AKR1D1: variants seen among roughly 807,000 people sequenced by gnomAD.
The protein encoded by AKR1D1 is aldo-keto reductase family 1 member D1.
Under a neutral mutation model 42.6 loss-of-function variants are expected in AKR1D1, and 32 were observed. That is an observed-to-expected ratio of 0.75 (90% CI 0.57 to 1.01). The LOEUF (loss-of-function observed/expected upper bound fraction) is 1.01. Ranked by LOEUF, AKR1D1 falls within the 50% of genes least tolerant of loss-of-function variation. The pLI is 0.00. For synonymous variants in AKR1D1, 123 were observed against 135.5 expected, an observed-to-expected ratio of 0.91 and a Z score of 0.64; for missense variants, 364 against 402.2, an observed-to-expected ratio of 0.91 and a Z score of 0.81.
chr7:138,116,757 T>C lies in AKR1D1; in HGVS notation c.*95T>C. ...GATGTGAAAATGAAGAGAGAGGGTT[T>C]TACCATCCTGAGAAGAAATAATGAT... On this transcript the variant is annotated 3_prime_UTR_variant, in exon 9 of 9. Transcript: ENST00000242375. 2.6e-6 allele frequency: 3 copies of C among 1,144,664 alleles called. No individual in the cohort carries two copies. Among genetic ancestry groups the C allele is most frequent in the Middle Eastern group, 1.9e-4 (1 of 5,164 alleles). The allele number at this position is 1,144,664 out of a possible 1,614,324, so 70.9% of individuals were successfully genotyped here. A position where few individuals can be genotyped will look rare whatever the true frequency, so the allele number is the denominator to read the frequency against.
At chr7:138,078,031 G>C (rs1391017848) in intron 1 of AKR1D1, among the ~76,000 whole-genome samples, 1 of 152,078 alleles carries the variant, frequency 6.6e-6, no homozygotes, top group Non-Finnish European at 1.5e-5. Context: ...ATGCAATCTT[G>C]GCTCACTGCA....
chr7:138,083,189 C>T (rs1013675214), intron 1 of AKR1D1, among the ~76,000 whole-genome samples: 3 of 152,198 alleles, frequency 2.0e-5, no homozygotes, highest in Admixed American at 6.5e-5. Context: ...AATTTCTCTA[C>T]ATCCTCACCA....
At chr7:138,105,184 G>A (rs369003029) in intron 4 of AKR1D1, 123 bp from the exon 5 acceptor site, 26 of 1,374,218 alleles carry the variant, frequency 1.9e-5, no homozygotes, top group Non-Finnish European at 2.4e-5. Flanking sequence ...ACTTTTTTTC[G>A]CAAGATGCTT....
chr7:138,114,406 C>A (rs371274264), intron 8 of AKR1D1, among the ~76,000 whole-genome samples: 2 of 152,084 alleles, frequency 1.3e-5, no homozygotes, highest in Non-Finnish European at 2.9e-5. Flanking sequence ...TGGTGGCTCA[C>A]GCCAATACTT....
chr7:138,109,842 AGG>A (rs955540021), intron 7 of AKR1D1, among the ~76,000 whole-genome samples: 6 of 152,186 alleles, frequency 3.9e-5, no homozygotes, highest in African/African-American at 1.4e-4. Context: ...CAAAAATTAT[AGG>A]AGTGTTACAA....
chr7:138,113,059 G>C (rs1448533533), intron 7 of AKR1D1, among the ~76,000 whole-genome samples: 2 of 152,196 alleles, frequency 1.3e-5, no homozygotes, highest in African/African-American at 4.8e-5. Context: ...GCTCATGCCT[G>C]TAATTGCAGC....
Position 138,107,521 on chromosome 7 carries a change from C to T in AKR1D1, c.796C>T (p.Arg266Ter), listed in dbSNP as rs770247815. Reference sequence around the variant, plus strand: ...AATTGTTTTGCGTTTCAACATCCAGCGAGGGGTGGTTGTCATTCCTAAAAG... The same window carrying T: ...AATTGTTTTGCGTTTCAACATCCAGTGAGGGGTGGTTGTCATTCCTAAAAG... ...AQIVLRFNIQ[R>*]GVVVIPKSFN... is the part of the protein sequence containing the mutation. Residue 266 changes from arginine to a stop codon, truncating the protein, a stop_gained, in exon 7 of 9, where the codon CGA becomes TGA. Coordinates refer to ENST00000242375, the MANE Select transcript of AKR1D1 (RefSeq NM_005989.4). LOFTEE classifies it high-confidence loss of function. The T allele has an allele frequency of 8.7e-6, 14 of 1,614,066 alleles. No individual in the cohort carries two copies. Among genetic ancestry groups the T allele is most frequent in the South Asian group, 6.6e-5 (6 of 91,078 alleles).
chr7:138,088,405 C>T (rs1332105803), intron 1 of AKR1D1, among the ~76,000 whole-genome samples, 196 bp from the exon 2 acceptor site: 1 of 152,166 alleles, frequency 6.6e-6, no homozygotes, highest in South Asian at 2.1e-4. Flanking sequence ...GATGGTGTCT[C>T]CCACTGAGGG....
chr7:138,091,998 C>T, intron 3 of AKR1D1, 114 bp downstream of exon 3: 1 of 622,206 alleles, frequency 1.6e-6, no homozygotes, highest in East Asian at 2.7e-5. Context: ...AAGCTCTGCA[C>T]CATGAGCCAA....
At chr7:138,087,953 T>C (rs540942797) in intron 1 of AKR1D1, among the ~76,000 whole-genome samples, 8 of 151,630 alleles carry the variant, frequency 5.3e-5, no homozygotes, top group African/African-American at 1.9e-4. Flanking sequence ...TACAGTGGCA[T>C]GATCATGACT....
chr7:138,095,142 T>G (rs1387234819), intron 3 of AKR1D1, among the ~76,000 whole-genome samples: 2 of 152,256 alleles, frequency 1.3e-5, no homozygotes, highest in East Asian at 3.9e-4. Context: ...GTATCTAATG[T>G]GGGTTCAGGC....
chr7:138,112,408 G>A (rs994928576), intron 7 of AKR1D1, among the ~76,000 whole-genome samples: 1 of 151,930 alleles, frequency 6.6e-6, no homozygotes. Context: ...TAAGTAAATC[G>A]TGTTCCATCT....
intron 2 of AKR1D1, among the ~76,000 whole-genome samples, chr7:138,090,510 G>A (rs1003459121): frequency 6.6e-6 from 1 of 151,804 alleles, no homozygotes; most frequent in Admixed American, 6.6e-5. Flanking sequence ...GGTAGCAGGT[G>A]CCTGTAATCC....
chr7:138,107,722 T>C (rs1794462148), intron 7 of AKR1D1, 142 bp downstream of exon 7: 7 of 852,172 alleles, frequency 8.2e-6, no homozygotes, highest in Non-Finnish European at 1.1e-5. Flanking sequence ...GTAGCCCATA[T>C]CTAGGTTTAA....
chr7:138,090,121 G>GA (rs1315747978), intron 2 of AKR1D1, among the ~76,000 whole-genome samples: 1 of 152,094 alleles, frequency 6.6e-6, no homozygotes, highest in South Asian at 2.1e-4. Flanking sequence ...GAATGAAAAA[G>GA]AAAGTAAAAT....
At chr7:138,102,486 C>T (rs1028861165) in intron 4 of AKR1D1, among the ~76,000 whole-genome samples, 1 of 152,126 alleles carries the variant, frequency 6.6e-6, no homozygotes, top group East Asian at 1.9e-4. Context: ...AGGAGGATCA[C>T]TTGACCTGGT....
chr7:138,105,837 A>G (rs1287354949), intron 5 of AKR1D1, among the ~76,000 whole-genome samples: 1 of 152,144 alleles, frequency 6.6e-6, no homozygotes, highest in African/African-American at 2.4e-5. Context: ...GTGAGCCGAG[A>G]TTGCGCCACT....
chr7:138,100,591 C>A (rs1425089848), intron 4 of AKR1D1, among the ~76,000 whole-genome samples: 1 of 150,842 alleles, frequency 6.6e-6, no homozygotes, highest in African/African-American at 2.4e-5. Flanking sequence ...ATAAAGGAGT[C>A]AATCCTAAAC....
At chr7:138,094,937 TA>T (rs1451572229) in intron 3 of AKR1D1, among the ~76,000 whole-genome samples, 3 of 152,356 alleles carry the variant, frequency 2.0e-5, no homozygotes, top group Middle Eastern at 3.4e-3. Flanking sequence ...AACAAAATAT[TA>T]AAAATTATGA....
Sources: gnomAD v4.1 joint callset for allele counts (sites outside exome capture counted in the v4.1 genomes callset) on GRCh38, gnomAD v4.1.1 for gene constraint, MANE v1.5 for transcripts, NCBI Gene and HGNC (gene_info 2026-07-23, HGNC 2026-07-21) for gene names.